The following ROBO2 variants were observed in gnomAD, a reference collection of about 807,000 sequenced individuals.
ROBO2 encodes the protein roundabout guidance receptor 2.
In ROBO2, 53 loss-of-function variants were observed where a neutral mutation model predicts 160.8. The observed-to-expected ratio is 0.33, with a 90% CI of 0.26 to 0.41. ROBO2 has a LOEUF of 0.41. ROBO2 is among the 10% of genes least tolerant of loss of function. The pLI, the probability that ROBO2 is intolerant of heterozygous loss-of-function variation, is 1.00. For synonymous variants in ROBO2, 664 were observed against 611.7 expected (o/e 1.09, Z -1.26); for missense variants, 1,577 against 1,722.4 (o/e 0.92, Z 1.49).
intron 2 of ROBO2, among the ~76,000 whole-genome samples, chr3:76,413,092 G>A (rs570673213): frequency 2.4e-4 from 36 of 152,340 alleles, no homozygotes; most frequent in Middle Eastern, 3.4e-3. Flanking sequence ...TGGAGCCACA[G>A]CCCAAGCTGT....
At chr3:76,377,760 A>C (rs2076418520) in intron 2 of ROBO2, among the ~76,000 whole-genome samples, 2 of 152,044 alleles carry the variant, frequency 1.3e-5, no homozygotes, top group African/African-American at 4.8e-5. Context: ...TTTTTCTCTT[A>C]TGAGTAGAAA....
chr3:76,794,017 G>GT (rs1016298525), intron 2 of ROBO2, among the ~76,000 whole-genome samples: 1 of 151,834 alleles, frequency 6.6e-6, no homozygotes, highest in African/African-American at 2.4e-5. Context: ...CTCTCTTGGG[G>GT]TTCCACCTTT....
intron 2 of ROBO2, among the ~76,000 whole-genome samples, chr3:76,905,381 C>T (rs2075530956): frequency 2.0e-5 from 3 of 152,010 alleles, no homozygotes; most frequent in South Asian, 2.1e-4. Context: ...AAGGGAGACT[C>T]GTGTAGAGTT....
chr3:77,536,477 CTCTA>C (rs1458685165), intron 6 of ROBO2, among the ~76,000 whole-genome samples: 1 of 151,942 alleles, frequency 6.6e-6, no homozygotes, highest in East Asian at 1.9e-4. Flanking sequence ...CTCTTTCTCT[CTCTA>C]TGGTTTCTCC....
rs565251490 is a variant in ROBO2, at chr3:77,022,052, G to A, written c.110-75962G>A. ...GCTCAAGAGTTCAAGACCAGCCTGG[G>A]CAAAATAATGAAACCTCACCTCTTA... On this transcript the variant is annotated intron_variant, in intron 2 of 26. Coordinates refer to the ROBO2 transcript ENST00000487694. 1.3e-4 allele frequency among the ~76,000 whole-genome samples: 20 copies of A among 152,278 alleles called. No homozygotes were observed. In the South Asian group the frequency reaches 3.9e-3, roughly 30 times the overall value.
chr3:77,024,665 T>C (rs1454316762), intron 2 of ROBO2, among the ~76,000 whole-genome samples: 1 of 152,198 alleles, frequency 6.6e-6, no homozygotes, highest in African/African-American at 2.4e-5. Flanking sequence ...TTGGAGACTC[T>C]GTACATACCA....
chr3:76,549,090 T>A (rs1214359150), intron 2 of ROBO2, among the ~76,000 whole-genome samples: 1 of 152,216 alleles, frequency 6.6e-6, no homozygotes, highest in Non-Finnish European at 1.5e-5. Context: ...CAAACATATC[T>A]CATAATATTT....
intron 2 of ROBO2, among the ~76,000 whole-genome samples, chr3:77,177,504 C>A (rs2080270165): frequency 6.6e-6 from 1 of 151,940 alleles, no homozygotes; most frequent in Admixed American, 6.6e-5. Context: ...TAAATTATTT[C>A]TAAATCACTT....
intron 2 of ROBO2, among the ~76,000 whole-genome samples, chr3:76,886,253 C>CAAAAAAA (rs367823351): frequency 1.4e-5 from 2 of 140,942 alleles, no homozygotes; most frequent in Non-Finnish European, 1.5e-5. Context: ...TAACCAATTC[C>CAAAAAAA]AAAAAAATAT....
chr3:77,277,271 T>G (rs765403732), intron 2 of ROBO2, among the ~76,000 whole-genome samples: 11 of 151,176 alleles, frequency 7.3e-5, no homozygotes, highest in Non-Finnish European at 1.6e-4. Flanking sequence ...CTGTCTTTCT[T>G]TTAGAGTTCA....
chr3:75,970,972 C>A lies in ROBO2; in HGVS notation c.109+33370C>A, dbSNP rs1270705795. Among the ~76,000 whole-genome samples, 12 of 150,878 alleles carry A rather than the reference C, an allele frequency of 8.0e-5. No individual in the cohort carries two copies. The South Asian group carries it at 2.3e-3, about 29-fold the overall frequency. On this transcript the variant is annotated intron_variant, in intron 2 of 26. Transcript: ENST00000487694. ...TATCTTTGGCCAAAACATTTTTAAT[C>A]CTCTTATTTGTTCTTTGAGAAATTT... is the stretch of plus-strand genomic sequence containing the variant.
intron 5 of ROBO2, among the ~76,000 whole-genome samples, chr3:77,503,523 C>CTAAA (rs567091666): frequency 0.084 from 12,132 of 144,460 alleles, 552 homozygotes; most frequent in East Asian, 0.12. Context: ...GAGTCCGTCT[C>CTAAA]TAAATAAATA....
chr3:77,311,983 G>A (rs576240893), intron 2 of ROBO2, among the ~76,000 whole-genome samples: 1 of 152,162 alleles, frequency 6.6e-6, no homozygotes, highest in East Asian at 1.9e-4. Flanking sequence ...CTACTGGGGA[G>A]GCTGAGGCAG....
intron 2 of ROBO2, among the ~76,000 whole-genome samples, chr3:76,381,388 T>C (rs552002703): frequency 2.6e-5 from 4 of 152,142 alleles, no homozygotes; most frequent in Non-Finnish European, 5.9e-5. Context: ...TCTCGCTTTG[T>C]CTCCCAGGCT....
At chr3:76,060,464 A>G (rs2068035431) in intron 2 of ROBO2, among the ~76,000 whole-genome samples, 2 of 152,238 alleles carry the variant, frequency 1.3e-5, no homozygotes, top group African/African-American at 2.4e-5. Context: ...AAATTATACT[A>G]GAGTGAATTA....
chr3:75,998,740 A>G (rs946343948), intron 2 of ROBO2, among the ~76,000 whole-genome samples: 2 of 152,218 alleles, frequency 1.3e-5, no homozygotes, highest in African/African-American at 2.4e-5. Flanking sequence ...AGTGGCTATT[A>G]TAGGATGATG....
intron 2 of ROBO2, among the ~76,000 whole-genome samples, chr3:76,050,759 C>G (rs1024294508): frequency 6.6e-6 from 1 of 152,312 alleles, no homozygotes; most frequent in East Asian, 1.9e-4. Context: ...TAAATGCCTT[C>G]TTCCCTCCTA....
At chr3:77,266,999 G>A (rs56843783) in intron 2 of ROBO2, among the ~76,000 whole-genome samples, 3,459 of 151,956 alleles carry the variant, frequency 0.023, 129 homozygotes, top group African/African-American at 0.078. Flanking sequence ...TTTTCAAAGC[G>A]CTTTACTTCT....
intron 2 of ROBO2, among the ~76,000 whole-genome samples, chr3:75,968,017 T>G (rs1373172439): frequency 6.6e-6 from 1 of 151,592 alleles, no homozygotes; most frequent in Non-Finnish European, 1.5e-5. Flanking sequence ...AAAAATAACT[T>G]CACATGCTAA....
Sources: allele counts gnomAD v4.1 joint callset (sites outside exome capture counted in the v4.1 genomes callset), GRCh38; gene constraint gnomAD v4.1.1; transcripts MANE v1.5; gene names NCBI Gene and HGNC (gene_info 2026-07-23, HGNC 2026-07-21).